The following OTOP2 variants were observed in gnomAD, a reference collection of about 807,000 sequenced individuals.
OTOP2 encodes the protein otopetrin 2, also known as proton channel OTOP2.
In OTOP2, 41 loss-of-function variants were observed where a neutral mutation model predicts 47.4. The observed-to-expected ratio is 0.87, with a 90% CI of 0.67 to 1.12. OTOP2 has a LOEUF of 1.12. Among genes scored for constraint, OTOP2 ranks in the 50% most tolerant of loss-of-function variants. The pLI, the probability that OTOP2 is intolerant of heterozygous loss-of-function variation, is 0.00. For missense variants in OTOP2, 721 were observed against 752.2 expected (o/e 0.96, Z 0.49); for synonymous variants, 328 against 319.6 (o/e 1.03, Z -0.28).
rs1484438965 is a variant in OTOP2 at position 74,927,670 on chromosome 17, G to C, written c.515G>C (p.Gly172Ala). Residue 172 changes from glycine (G) to alanine (A), a missense_variant, in exon 5 of 7, where the codon GGT (glycine) becomes GCT (alanine). By Grantham distance (60) the Gly-to-Ala change is moderately conservative. Coordinates refer to ENST00000331427, the MANE Select transcript of OTOP2 (RefSeq NM_178160.3). ...VHVHLDLTWC[G>A]LMFTLTTNLA... ...CCACCCCTGACCCCAAACAGGTGTG[G>C]TCTCATGTTCACACTCACCACCAAC... is the stretch of plus-strand genomic sequence containing the variant. The C allele has an allele frequency of 6.2e-7, 1 of 1,613,454 alleles. No individual in the cohort carries two copies. The highest frequency in any genetic ancestry group is 8.5e-7 in the Non-Finnish European group (1 of 1,179,728).
Position 74,933,524 on chromosome 17 carries a change from G to A in OTOP2, c.1668G>A (p.Leu556=), listed in dbSNP as rs562827912. The A allele has an allele frequency of 1.2e-6, 2 of 1,612,630 alleles. No homozygotes were observed. Among genetic ancestry groups the A allele is most frequent in the African/African-American group, 2.7e-5 (2 of 74,920 alleles). The part of the protein sequence containing the change: ...FYRMHAVSSL[L]EVYVLS ...GCATGCACGCTGTGTCCAGCCTGCT[G>A]GAGGTCTACGTGCTGTCCTGAGGCC... is the stretch of plus-strand genomic sequence containing the variant. The change falls in exon 7 of 7, where the codon CTG becomes CTA. Residue 556 remains leucine, a synonymous_variant. Transcript: ENST00000331427. This position sits in a 1 kb window ranked among gnomAD's most constrained non-coding sequence, Gnocchi z 4.7.
chr17:74,930,764 C>G lies in OTOP2; in HGVS notation c.1129C>G (p.Leu377Val). 6.2e-7 allele frequency: 1 copy of G among 1,614,158 alleles called. No homozygotes were observed. Among genetic ancestry groups the G allele is most frequent in the Non-Finnish European group, 8.5e-7 (1 of 1,180,030 alleles). ...LDVALLMGAA[L>V]GQYAISYYSI... ...CGTGGCCCTGCTGATGGGTGCCGCCCTGGGTCAGTACGCCATCTCTTACTA... is the reference window on the plus strand; with the variant it reads ...CGTGGCCCTGCTGATGGGTGCCGCCGTGGGTCAGTACGCCATCTCTTACTA... The change falls in exon 6 of 7, where the codon CTG becomes GTG. Residue 377 changes from leucine to valine, a missense_variant. Physicochemically the swap from Leu to Val is conservative, Grantham distance 32. Transcript: ENST00000331427. This position sits in a 1 kb window ranked among gnomAD's most constrained non-coding sequence, Gnocchi z 4.0.
In OTOP2 at chr17:74,924,509, A is replaced by C. The variant is rs2038984630; in HGVS notation, c.-33-91A>C. On this transcript the variant is annotated intron_variant, in intron 1 of 6. Transcript: ENST00000331427. The surrounding 1 kb of genome is among the most constrained non-coding windows in gnomAD (Gnocchi z 7.7). ...ACCCGAAGCCCCAACCCTGCGGGTC[A>C]GGAACTCCCTAGTCCCCAAGTCTAG... 1.7e-6 allele frequency: 2 copies of C among 1,199,982 alleles called. No individual in the cohort carries two copies. Among genetic ancestry groups the C allele is most frequent in the South Asian group, 1.6e-5 (1 of 60,858 alleles). The allele number at this position is 1,199,982 out of a possible 1,614,324, so 74.3% of individuals were successfully genotyped here.
Position 74,924,853 on chromosome 17 carries a change from C to A in OTOP2, c.221C>A (p.Thr74Lys). 6.2e-7 allele frequency: 1 copy of A among 1,608,100 alleles called. No homozygotes were observed. Among genetic ancestry groups the A allele is most frequent in the African/African-American group, 1.3e-5 (1 of 75,020 alleles). The change falls in exon 2 of 7, where the codon ACG becomes AAG. Residue 74 changes from threonine (T) to lysine (K), a missense_variant. By Grantham distance (78) the Thr-to-Lys change is moderately conservative. Transcript: ENST00000331427. This position sits in a 1 kb window ranked among gnomAD's most constrained non-coding sequence, Gnocchi z 7.7. ...CTCACTGCGATGATGCTGCTGGCAA[C>A]GCTCTGGATCCTCTTCTACCTCCTC... ...ALLTAMMLLA[T>K]LWILFYLLRT...
Position 74,933,327 on chromosome 17 carries a change from C to T in OTOP2, c.1519-48C>T, listed in dbSNP as rs764969216. ...CAGCAAAACCCACAGAAATGACCCA[C>T]AGGCATCCATCCAGGCCAGCTCCTG... On this transcript the variant is annotated intron_variant, in intron 6 of 6. Transcript: ENST00000331427. The surrounding 1 kb of genome is among the most constrained non-coding windows in gnomAD (Gnocchi z 4.7). 7.1e-6 allele frequency: 11 copies of T among 1,557,662 alleles called. No homozygotes were observed. The highest frequency in any genetic ancestry group is 3.6e-5 in the South Asian group (3 of 83,604).
intron 6 of OTOP2, 138 bp downstream of exon 6, chr17:74,931,291 G>T: frequency 8.4e-7 from 1 of 1,194,658 alleles, no homozygotes; most frequent in Non-Finnish European, 1.1e-6. Context: ...GAAAGGAGCA[G>T]GTTCAGAGGG....
In OTOP2 at chr17:74,933,820, G is replaced by T; in HGVS notation, c.*275G>T. On this transcript the variant is annotated 3_prime_UTR_variant, in exon 7 of 7. Transcript: ENST00000331427. The surrounding 1 kb of genome is among the most constrained non-coding windows in gnomAD (Gnocchi z 4.7). The stretch of plus-strand genomic sequence containing the variant: ...TTCTAGGACCCAACAAGATCTGGAG[G>T]TGCCGGCTCTGGTTCCATCTCTAAT... 1 of 356,252 alleles carries T rather than the reference G, an allele frequency of 2.8e-6. No homozygotes were observed. The highest frequency in any genetic ancestry group is 4.5e-5 in the East Asian group (1 of 22,170). The allele number at this position is 356,252 out of a possible 1,614,324, so 22.1% of individuals were successfully genotyped here. A position where few individuals can be genotyped will look rare whatever the true frequency, so the allele number is the denominator to read the frequency against.
chr17:74,930,565 C>A lies in OTOP2; in HGVS notation c.930C>A (p.Tyr310Ter), dbSNP rs61746106. ...FVVGLAVFII[Y>*]EVQVSGDGSR... ...TGGGGCTGGCTGTCTTCATCATCTA[C>A]GAGGTTCAAGTGAGCGGGGACGGGA... is the stretch of plus-strand genomic sequence containing the variant. Residue 310 changes from tyrosine to a stop codon, truncating the protein, a stop_gained, in exon 6 of 7, where the codon TAC (tyrosine) becomes TAA (stop). Transcript: ENST00000331427. LOFTEE classifies it high-confidence loss of function. This position sits in a 1 kb window ranked among gnomAD's most constrained non-coding sequence, Gnocchi z 4.0. 6.2e-7 allele frequency: 1 copy of A among 1,613,690 alleles called. No individual in the cohort carries two copies. Among genetic ancestry groups the A allele is most frequent in the Non-Finnish European group, 8.5e-7 (1 of 1,179,758 alleles).
rs1403016032 is a variant in OTOP2, at chr17:74,933,778, A to T, written c.*233A>T. 1 of 447,158 alleles carries T rather than the reference A, an allele frequency of 2.2e-6. No homozygotes were observed. Among genetic ancestry groups the T allele is most frequent in the African/African-American group, 2.0e-5 (1 of 51,212 alleles). The allele number at this position is 447,158 out of a possible 1,614,324, so 27.7% of individuals were successfully genotyped here. On this transcript the variant is annotated 3_prime_UTR_variant, in exon 7 of 7. Transcript: ENST00000331427. This position sits in a 1 kb window ranked among gnomAD's most constrained non-coding sequence, Gnocchi z 4.7. ...GGCATGAGGTGACTGGGGAAGGGAG[A>T]CCTCTCCTGGCAGCATTTCTAGGAC...
In OTOP2 at chr17:74,924,658, C is replaced by G; in HGVS notation, c.26C>G (p.Pro9Arg). Reference protein sequence around the residue: MSEELAQGPKESPPAPRAG... With the variant: MSEELAQGRKESPPAPRAG... ...ATGTCCGAGGAGCTGGCCCAGGGCCCCAAGGAGAGCCCCCCGGCGCCGCGT... is the reference window on the plus strand; with the variant it reads ...ATGTCCGAGGAGCTGGCCCAGGGCCGCAAGGAGAGCCCCCCGGCGCCGCGT... The change falls in exon 2 of 7, where the codon CCC becomes CGC. Residue 9 changes from proline (P) to arginine (R), a missense_variant. Transcript: ENST00000331427. This position sits in a 1 kb window ranked among gnomAD's most constrained non-coding sequence, Gnocchi z 7.7. 1 of 1,588,844 alleles carries G rather than the reference C, an allele frequency of 6.3e-7. No homozygotes were observed. The highest frequency in any genetic ancestry group is 8.5e-7 in the Non-Finnish European group (1 of 1,172,092).
intron 4 of OTOP2, 186 bp downstream of exon 4, chr17:74,927,467 G>C (rs1244923154): frequency 9.9e-7 from 1 of 1,007,820 alleles, no homozygotes; most frequent in South Asian, 1.5e-5. Context: ...AGGGGAGGGA[G>C]TGGTGGTGGC....
rs2039053427 is a variant in OTOP2, at chr17:74,931,016, C to G, written c.1381C>G (p.Pro461Ala). ...LDALHTLSACPPNPGLVSPSP... is the reference protein window; with the variant it reads ...LDALHTLSACAPNPGLVSPSP... ...TGCCCTCCACACGTTGTCCGCCTGC[C>G]CACCCAACCCCGGGCTGGTTAGCCC... is the stretch of plus-strand genomic sequence containing the variant. Residue 461 changes from proline (P) to alanine (A), a missense_variant, in exon 6 of 7, where the codon CCA becomes GCA. Pro to Ala is a conservative substitution (Grantham distance 27). Transcript: ENST00000331427. The G allele has an allele frequency of 2.5e-6, 4 of 1,614,184 alleles. No homozygotes were observed. Among genetic ancestry groups the G allele is most frequent in the Non-Finnish European group, 3.4e-6 (4 of 1,180,042 alleles).
chr17:74,933,381 A>G lies in OTOP2; in HGVS notation c.1525A>G (p.Ile509Val). ...FLLLCNVILW[I>V]MPAFGARPHF... ...TGCTCCTCTCTCCACACAGCTGTGG[A>G]TCATGCCTGCCTTCGGGGCCCGCCC... The change falls in exon 7 of 7, where the codon ATC becomes GTC. Residue 509 changes from isoleucine (I) to valine (V), a missense_variant. Coordinates refer to ENST00000331427, the MANE Select transcript of OTOP2 (RefSeq NM_178160.3). The surrounding 1 kb of genome is among the most constrained non-coding windows in gnomAD (Gnocchi z 4.7). 3 of 1,608,990 alleles carry G rather than the reference A, an allele frequency of 1.9e-6. No individual in the cohort carries two copies. The highest frequency in any genetic ancestry group is 2.6e-6 in the Non-Finnish European group (3 of 1,176,108).
At chr17:74,931,560 G>A (rs931371381) in intron 6 of OTOP2, among the ~76,000 whole-genome samples, 16 of 152,158 alleles carry the variant, frequency 1.1e-4, no homozygotes, top group African/African-American at 2.2e-4. Flanking sequence ...AGGAAGTAGC[G>A]GAGACCAGTG....
rs368677700 is a variant in OTOP2 at position 74,930,193 on chromosome 17, CA to C, written c.644-75del. 71,525 of 927,654 alleles carry C rather than the reference CA, an allele frequency of 0.077. 6 individuals carry two copies. The highest frequency in any genetic ancestry group is 0.12 in the South Asian group (5,104 of 44,232). The allele number at this position is 927,654 out of a possible 1,614,324, so 57.5% of individuals were successfully genotyped here. A position where few individuals can be genotyped will look rare whatever the true frequency, so the allele number is the denominator to read the frequency against. ...AGTGAAACTCCGTCTCAAAACAAAA[CA>C]AAAAAAAAAAGGTCACAGGCTAGGG... On this transcript the variant is annotated intron_variant, in intron 5 of 6. Transcript: ENST00000331427. This position sits in a 1 kb window ranked among gnomAD's most constrained non-coding sequence, Gnocchi z 4.0.
At position 74,930,766 on chromosome 17, in the gene OTOP2, G is replaced by A. The variant is rs753128445; in HGVS notation, c.1131G>A (p.Leu377=). Residue 377 remains leucine, a synonymous_variant, in exon 6 of 7, where the codon CTG becomes CTA. Transcript: ENST00000331427. The surrounding 1 kb of genome is among the most constrained non-coding windows in gnomAD (Gnocchi z 4.0). The part of the protein sequence containing the change: ...LDVALLMGAA[L]GQYAISYYSI... ...TGGCCCTGCTGATGGGTGCCGCCCT[G>A]GGTCAGTACGCCATCTCTTACTACT... is the stretch of plus-strand genomic sequence containing the variant. 11 of 1,614,010 alleles carry A rather than the reference G, an allele frequency of 6.8e-6. No individual in the cohort carries two copies. In the African/African-American group the frequency reaches 1.1e-4, roughly 16 times the overall value.
intron 4 of OTOP2, 132 bp from the exon 5 acceptor site, chr17:74,927,533 C>G (rs1290988630): frequency 7.5e-7 from 1 of 1,333,794 alleles, no homozygotes; most frequent in Non-Finnish European, 1.0e-6. Flanking sequence ...GGCTGTGTTC[C>G]TACCAAAATC....
At chr17:74,928,795 G>A (rs929867280) in intron 5 of OTOP2, among the ~76,000 whole-genome samples, 3 of 152,254 alleles carry the variant, frequency 2.0e-5, no homozygotes. Context: ...CAATAGCCAG[G>A]ACCAGACAAG....
intron 6 of OTOP2, 142 bp downstream of exon 6, chr17:74,931,295 C>G: frequency 8.7e-7 from 1 of 1,155,650 alleles, no homozygotes; most frequent in Non-Finnish European, 1.2e-6. Context: ...GGAGCAGGTT[C>G]AGAGGGGGCC....
Sources: allele counts gnomAD v4.1 joint callset (sites outside exome capture counted in the v4.1 genomes callset), GRCh38; gene constraint gnomAD v4.1.1; non-coding constraint Gnocchi (gnomAD v3.1); transcripts MANE v1.5; gene names NCBI Gene and HGNC (gene_info 2026-07-23, HGNC 2026-07-21).